The following SOX5 variants were observed in gnomAD, a reference collection of about 807,000 sequenced individuals.
SOX5 encodes the protein SRY-box transcription factor 5.
In SOX5, 9 loss-of-function variants were observed where a neutral mutation model predicts 92.0. That is an observed-to-expected ratio of 0.10 (90% confidence interval 0.06 to 0.17). The LOEUF (loss-of-function observed/expected upper bound fraction) is 0.17. Among genes scored for constraint, SOX5 ranks in the 10% least tolerant of loss-of-function variants. The pLI is 1.00. For missense variants in SOX5, 642 were observed against 944.5 expected (o/e 0.68, Z 4.20); for synonymous variants, 344 against 336.3 (o/e 1.02, Z -0.25).
At chr12:23,800,017 T>C (rs1022690434) in intron 3 of SOX5, among the ~76,000 whole-genome samples, 1 of 152,000 alleles carries the variant, frequency 6.6e-6, no homozygotes, top group Admixed American at 6.6e-5. Flanking sequence ...CAAATAACAG[T>C]GTACTTGAAA....
intron 4 of SOX5, among the ~76,000 whole-genome samples, chr12:24,051,670 G>C (rs1322215664): frequency 6.6e-6 from 1 of 152,146 alleles, no homozygotes; most frequent in Non-Finnish European, 1.5e-5. Flanking sequence ...TATAAGTTAG[G>C]AGGAGAAGAA....
At chr12:24,226,718 G>A (rs1483188119) in intron 3 of SOX5, among the ~76,000 whole-genome samples, 42 of 152,252 alleles carry the variant, frequency 2.8e-4, no homozygotes, top group South Asian at 8.3e-4. Context: ...TGATCCACCC[G>A]CCTTGGCCTC....
intron 4 of SOX5, among the ~76,000 whole-genome samples, chr12:23,752,347 G>C (rs759778730): frequency 6.6e-6 from 1 of 151,840 alleles, no homozygotes; most frequent in Non-Finnish European, 1.5e-5. Flanking sequence ...AGAACCTCCC[G>C]TACACAGCTC....
At chr12:23,668,498 C>T (rs949728710) in intron 6 of SOX5, among the ~76,000 whole-genome samples, 7 of 152,080 alleles carry the variant, frequency 4.6e-5, no homozygotes, top group African/African-American at 7.2e-5. Flanking sequence ...AATATCAAAA[C>T]GATATGTTTT....
intron 4 of SOX5, among the ~76,000 whole-genome samples, chr12:24,121,364 A>T (rs1948595180): frequency 6.6e-6 from 1 of 152,142 alleles, no homozygotes. Flanking sequence ...GTCTGAACAG[A>T]ATCTAGTTCA....
At chr12:24,444,454 G>A (rs1464025770) in intron 1 of SOX5, among the ~76,000 whole-genome samples, 1 of 152,204 alleles carries the variant, frequency 6.6e-6, no homozygotes, top group Non-Finnish European at 1.5e-5. Context: ...AGGAAGCTAG[G>A]AACAGGACAG....
At chr12:24,094,454 C>CTTTTTTTTT (rs5797062) in intron 4 of SOX5, among the ~76,000 whole-genome samples, 4 of 127,724 alleles carry the variant, frequency 3.1e-5, no homozygotes, top group Admixed American at 7.8e-5. Context: ...CTATTAGTGG[C>CTTTTTTTTT]TTTTTTTTTT....
At chr12:23,735,544 G>C (rs533531035) in intron 5 of SOX5, among the ~76,000 whole-genome samples, 1 of 152,134 alleles carries the variant, frequency 6.6e-6, no homozygotes, top group South Asian at 2.1e-4. Flanking sequence ...GTAATTCTCT[G>C]AGGCTCAATT....
chr12:23,657,360 C>A (rs961339787), intron 7 of SOX5, among the ~76,000 whole-genome samples: 18 of 152,164 alleles, frequency 1.2e-4, no homozygotes, highest in Non-Finnish European at 2.2e-4. Flanking sequence ...ATTAATGCAG[C>A]ATCCTATTCC....
intron 4 of SOX5, among the ~76,000 whole-genome samples, chr12:24,213,100 T>A (rs745471688): frequency 4.6e-5 from 7 of 152,138 alleles, no homozygotes; most frequent in Non-Finnish European, 8.8e-5. Flanking sequence ...AATTCAGGCA[T>A]CTATGTAACT....
At chr12:24,311,865 G>A (rs1280938608) in intron 2 of SOX5, among the ~76,000 whole-genome samples, 2 of 152,120 alleles carry the variant, frequency 1.3e-5, no homozygotes, top group Non-Finnish European at 2.9e-5. Context: ...TAATGTCTGT[G>A]AGGTTCTTGT....
At chr12:23,896,135 GAGC>G in intron 1 of SOX5, 111 bp from the exon 2 acceptor site, 1 of 731,534 alleles carries the variant, frequency 1.4e-6, no homozygotes, top group Non-Finnish European at 2.3e-6. Context: ...TGCTAGCAGA[GAGC>G]AGGAAACCAT....
chr12:23,813,493 G>A (rs1485724138), intron 3 of SOX5, among the ~76,000 whole-genome samples: 1 of 152,084 alleles, frequency 6.6e-6, no homozygotes, highest in Non-Finnish European at 1.5e-5. Flanking sequence ...CCACATTTCT[G>A]AGCATTTAGT....
At chr12:24,345,915 T>C (rs868263709) in intron 2 of SOX5, among the ~76,000 whole-genome samples, 21 of 152,330 alleles carry the variant, frequency 1.4e-4, no homozygotes, top group Middle Eastern at 6.8e-3. Flanking sequence ...TGTTGCTCTC[T>C]AGGTACACCT....
intron 2 of SOX5, among the ~76,000 whole-genome samples, chr12:23,863,793 T>TAC (rs71059936): frequency 0.13 from 19,373 of 144,878 alleles, 1,330 homozygotes; most frequent in African/African-American, 0.15. Flanking sequence ...TTAAACACAC[T>TAC]ACACACACAC....
chr12:24,478,980 C>A (rs1945680759), intron 1 of SOX5, among the ~76,000 whole-genome samples: 1 of 152,196 alleles, frequency 6.6e-6, no homozygotes, highest in African/African-American at 2.4e-5. Context: ...TTATCTGGTT[C>A]CAATCTACTC....
At chr12:23,590,650 T>C (rs1359801129) in intron 9 of SOX5, among the ~76,000 whole-genome samples, 2 of 152,036 alleles carry the variant, frequency 1.3e-5, no homozygotes, top group African/African-American at 4.8e-5. Context: ...CCCATTATAT[T>C]GTACTGTGTG....
intron 1 of SOX5, among the ~76,000 whole-genome samples, chr12:24,384,554 A>C (rs1432006265): frequency 2.0e-5 from 3 of 152,212 alleles, no homozygotes; most frequent in Non-Finnish European, 4.4e-5. Flanking sequence ...TAAGAGAAAA[A>C]AATCTTATGC....
intron 2 of SOX5, among the ~76,000 whole-genome samples, chr12:24,329,557 T>C (rs1951066787): frequency 6.6e-6 from 1 of 152,142 alleles, no homozygotes; most frequent in Non-Finnish European, 1.5e-5. Context: ...ATATCAAGAA[T>C]GTTTCCAATT....
Sources: allele counts gnomAD v4.1 joint callset (sites outside exome capture counted in the v4.1 genomes callset), GRCh38; gene constraint gnomAD v4.1.1; transcripts MANE v1.5; gene names NCBI Gene and HGNC (gene_info 2026-07-23, HGNC 2026-07-21).